CDH23: variants seen among roughly 807,000 people sequenced by gnomAD.
CDH23 encodes cadherin related 23.
A neutral mutation model predicts 317.1 loss-of-function variants in CDH23; 189 were observed. The observed-to-expected ratio is 0.60, with a 90% CI of 0.53 to 0.67. The LOEUF is 0.67. CDH23 is among the 30% of genes least tolerant of loss of function. The pLI, the probability that CDH23 is intolerant of heterozygous loss-of-function variation, is 0.00. For synonymous variants in CDH23, 1,839 were observed against 1,876.8 expected, an observed-to-expected ratio of 0.98 and a Z score of 0.52; for missense variants, 4,401 against 4,592.4, an observed-to-expected ratio of 0.96 and a Z score of 1.20.
intron 6 of CDH23, among the ~76,000 whole-genome samples, chr10:71,533,414 C>T (rs1004840088): frequency 2.4e-4 from 37 of 152,138 alleles, no homozygotes; most frequent in Middle Eastern, 3.4e-3. Context: ...ATTGGCTTCT[C>T]GGATATGGAA....
chr10:71,690,297 T>A (rs534359258), intron 19 of CDH23, among the ~76,000 whole-genome samples, 171 bp from the exon 20 acceptor site: 1 of 152,230 alleles, frequency 6.6e-6, no homozygotes, highest in African/African-American at 2.4e-5. Flanking sequence ...GCCGCCCTTG[T>A]CCCAGGGATG....
At chr10:71,766,694 A>T (rs567612643) in intron 38 of CDH23, among the ~76,000 whole-genome samples, 7 of 152,218 alleles carry the variant, frequency 4.6e-5, no homozygotes, top group African/African-American at 1.4e-4. Context: ...CACCCCCAAC[A>T]TGGGTGGTAT....
intron 3 of CDH23, among the ~76,000 whole-genome samples, chr10:71,473,297 G>A (rs184271290): frequency 1.3e-5 from 2 of 152,378 alleles, no homozygotes; most frequent in African/African-American, 2.4e-5. Flanking sequence ...GTTCTCCACA[G>A]CATCAAGTGG....
At chr10:71,451,313 A>G (rs1242673713) in intron 3 of CDH23, among the ~76,000 whole-genome samples, 1 of 152,256 alleles carries the variant, frequency 6.6e-6, no homozygotes, top group African/African-American at 2.4e-5. Flanking sequence ...GGCCCTGCCC[A>G]GCCTGAGGCA....
At chr10:71,775,773 G>T (rs1418267629) in intron 38 of CDH23, among the ~76,000 whole-genome samples, 1 of 152,180 alleles carries the variant, frequency 6.6e-6, no homozygotes, top group Non-Finnish European at 1.5e-5. Flanking sequence ...ATGTGTTTGT[G>T]CTTGTTTTCA....
At chr10:71,420,503 GTGATGGTGATGATGGTGAAGGTGA>G (rs1848744889) in intron 1 of CDH23, among the ~76,000 whole-genome samples, 3 of 134,918 alleles carry the variant, frequency 2.2e-5, no homozygotes, top group Admixed American at 7.4e-5. Context: ...GATGGTAATG[GTGATGGTGATGATGGTGAAGGTGA>G]TGATGATGAT....
chr10:71,775,462 C>G (rs1338582879), intron 38 of CDH23, among the ~76,000 whole-genome samples: 1 of 152,196 alleles, frequency 6.6e-6, no homozygotes, highest in Non-Finnish European at 1.5e-5. Flanking sequence ...CACTTCCTTT[C>G]TCCCTACCAC....
At chr10:71,436,693 T>TTTCC (rs1849638632) in intron 1 of CDH23, among the ~76,000 whole-genome samples, 1 of 152,208 alleles carries the variant, frequency 6.6e-6, no homozygotes, top group South Asian at 2.1e-4. Context: ...CAATTGTTCA[T>TTTCC]TTCCTTCCCT....
intron 3 of CDH23, among the ~76,000 whole-genome samples, chr10:71,465,739 T>A (rs1380377833): frequency 4.6e-5 from 7 of 152,234 alleles, no homozygotes; most frequent in African/African-American, 1.4e-4. Context: ...GATTGGAACA[T>A]TGTCTGCAGT....
At chr10:71,540,591 C>T (rs74459727) in intron 6 of CDH23, among the ~76,000 whole-genome samples, 2,069 of 152,134 alleles carry the variant, frequency 0.014, 39 homozygotes, top group Non-Finnish European at 0.013. Context: ...CTTCCCTGCT[C>T]TTTTGGACAG....
intron 6 of CDH23, among the ~76,000 whole-genome samples, chr10:71,542,512 C>T (rs1230389369): frequency 1.3e-5 from 2 of 152,206 alleles, no homozygotes; most frequent in Non-Finnish European, 2.9e-5. Flanking sequence ...GGCCTGGCCT[C>T]CCTGCCTGCC....
At chr10:71,561,301 T>C (rs1005156507) in intron 6 of CDH23, among the ~76,000 whole-genome samples, 3 of 151,962 alleles carry the variant, frequency 2.0e-5, no homozygotes, top group Admixed American at 6.6e-5. Context: ...TCCTTCTCCT[T>C]GCCCCTCCTC....
intron 3 of CDH23, among the ~76,000 whole-genome samples, chr10:71,503,601 T>C (rs1262544885): frequency 2.0e-5 from 3 of 152,100 alleles, no homozygotes; most frequent in African/African-American, 7.2e-5. Flanking sequence ...TCAGGCTGAA[T>C]GTGCTGCGTG....
intron 16 of CDH23, among the ~76,000 whole-genome samples, chr10:71,678,673 T>A (rs1864477088): frequency 1.3e-5 from 2 of 151,858 alleles, no homozygotes; most frequent in Admixed American, 1.3e-4. Flanking sequence ...GTACCCGGAG[T>A]GGTGGGGACC....
intron 38 of CDH23, chr10:71,747,888 T>C (rs1055518): frequency 0.5 from 75,937 of 152,236 alleles, 20,264 homozygotes; most frequent in East Asian, 0.77. Context: ...ATAGCCTCCA[T>C]GGGGTGAAGA....
intron 38 of CDH23, among the ~76,000 whole-genome samples, chr10:71,744,161 CA>C (rs1255830070): frequency 9.9e-5 from 15 of 152,144 alleles, no homozygotes; most frequent in Non-Finnish European, 2.1e-4. Flanking sequence ...CCAGATATAT[CA>C]CTTCCCACAC....
chr10:71,693,155 C>T (rs1230766120), intron 20 of CDH23, among the ~76,000 whole-genome samples: 1 of 152,244 alleles, frequency 6.6e-6, no homozygotes. Flanking sequence ...CTGGGACTGG[C>T]TCACCCTGCT....
At chr10:71,583,515 C>G (rs1858800373) in intron 9 of CDH23, among the ~76,000 whole-genome samples, 1 of 152,116 alleles carries the variant, frequency 6.6e-6, no homozygotes, top group African/African-American at 2.4e-5. Flanking sequence ...ACAGCCCCGA[C>G]TGCCCAGCCA....
chr10:71,776,563 G>A (rs928496085), intron 38 of CDH23, among the ~76,000 whole-genome samples: 2 of 152,182 alleles, frequency 1.3e-5, no homozygotes, highest in East Asian at 1.9e-4. Flanking sequence ...CAACTGAAGA[G>A]AGTTTAATAC....
Sources: gnomAD v4.1 joint callset for allele counts (sites outside exome capture counted in the v4.1 genomes callset) on GRCh38, gnomAD v4.1.1 for gene constraint, MANE v1.5 for transcripts, NCBI Gene and HGNC (gene_info 2026-07-23, HGNC 2026-07-21) for gene names.